Variants in PCDH15 observed in about 807,000 individuals in gnomAD.
PCDH15 encodes the protein protocadherin-15.
In PCDH15, 129 loss-of-function variants were observed where a neutral mutation model predicts 178.5. The observed-to-expected ratio is 0.72, with a 90% CI of 0.63 to 0.84. The LOEUF (loss-of-function observed/expected upper bound fraction) is 0.84. Among genes scored for constraint, PCDH15 ranks in the 40% least tolerant of loss-of-function variants. The pLI is 0.00. For missense variants in PCDH15, 2,230 were observed against 2,099.9 expected (o/e 1.06, Z -1.21); for synonymous variants, 800 against 732.0 (o/e 1.09, Z -1.50).
At chr10:55,460,002 G>T (rs1278957433) in intron 2 of PCDH15, among the ~76,000 whole-genome samples, 1 of 152,038 alleles carries the variant, frequency 6.6e-6, no homozygotes, top group Non-Finnish European at 1.5e-5. Context: ...TAGTCCAGAT[G>T]GAGCATGGAC....
At chr10:55,162,827 T>G (rs187719680) in intron 2 of PCDH15, among the ~76,000 whole-genome samples, 75 of 152,262 alleles carry the variant, frequency 4.9e-4, no homozygotes, top group Admixed American at 1.4e-3. Flanking sequence ...AGACCCAGGT[T>G]TGAGTCTCAG....
At chr10:55,250,406 C>A (rs2132222739) in intron 1 of PCDH15, among the ~76,000 whole-genome samples, 1 of 151,390 alleles carries the variant, frequency 6.6e-6, no homozygotes, top group Admixed American at 6.6e-5. Flanking sequence ...CTCAACCTCC[C>A]AAAGTGCTAC....
At chr10:54,237,737 G>A (rs2054781340) in intron 8 of PCDH15, among the ~76,000 whole-genome samples, 1 of 152,212 alleles carries the variant, frequency 6.6e-6, no homozygotes, top group Admixed American at 6.5e-5. Flanking sequence ...TAAGTTATAT[G>A]AGGTTACTGA....
chr10:55,001,392 C>T (rs891965694), intron 2 of PCDH15, among the ~76,000 whole-genome samples: 2 of 152,146 alleles, frequency 1.3e-5, no homozygotes, highest in East Asian at 3.9e-4. Context: ...ACACTTGCCA[C>T]GTTGTGGGTG....
intron 1 of PCDH15, among the ~76,000 whole-genome samples, chr10:55,286,563 C>T (rs1842875925): frequency 6.6e-6 from 1 of 151,500 alleles, no homozygotes; most frequent in African/African-American, 2.4e-5. Context: ...TGAATGCCAC[C>T]TATGTTGTCC....
intron 12 of PCDH15, among the ~76,000 whole-genome samples, chr10:54,184,920 A>T (rs1467009130): frequency 6.6e-6 from 1 of 151,870 alleles, no homozygotes; most frequent in Non-Finnish European, 1.5e-5. Flanking sequence ...TTCTTCTGTG[A>T]GGAAGAATGT....
Position 53,827,504 on chromosome 10 carries a change from A to G in PCDH15, c.4256T>C (p.Leu1419Ser). ...CTKTARIQAALPAAKPAVPAP... is the reference protein window; with the variant it reads ...CTKTARIQAASPAAKPAVPAP... Reference sequence around the variant, plus strand: ...CGGCACTGCTGGTTTAGCCGCGGGTAATGCGGCCTGAATTCGTGCAGTCTT... The same window carrying G: ...CGGCACTGCTGGTTTAGCCGCGGGTGATGCGGCCTGAATTCGTGCAGTCTT... The change falls in exon 32 of 38, where the codon TTA becomes TCA. Residue 1419 changes from leucine to serine, a missense_variant. By Grantham distance (145) the Leu-to-Ser change is moderately radical (BLOSUM62 -2). Coordinates refer to ENST00000644397, the MANE Select transcript of PCDH15 (RefSeq NM_001384140.1). 1 of 1,614,088 alleles carries G rather than the reference A, an allele frequency of 6.2e-7. No individual in the cohort carries two copies. The highest frequency in any genetic ancestry group is 8.5e-7 in the Non-Finnish European group (1 of 1,179,942).
chr10:54,555,702 A>G (rs2133260376), intron 2 of PCDH15, among the ~76,000 whole-genome samples: 1 of 146,466 alleles, frequency 6.8e-6, no homozygotes, highest in South Asian at 2.2e-4. Context: ...ATGCCACTGC[A>G]CTCCAGCCTG....
chr10:53,990,128 C>G lies in PCDH15; in HGVS notation c.2868+5521G>C, dbSNP rs189032249. 1.8e-3 allele frequency among the ~76,000 whole-genome samples: 277 copies of G among 152,174 alleles called. 2 individuals are homozygous for G. The highest frequency in any genetic ancestry group is 6.4e-3 in the African/African-American group (265 of 41,484). On this transcript the variant is annotated intron_variant, in intron 21 of 37. Transcript: ENST00000644397. ...GACATTTTAATAAAACACAGATATA[C>G]ATTATAGAAAAGAAGATCTAGCCAT...
At chr10:54,697,328 C>T (rs1377819199) in intron 1 of PCDH15, among the ~76,000 whole-genome samples, 2 of 151,776 alleles carry the variant, frequency 1.3e-5, no homozygotes, top group African/African-American at 4.8e-5. Context: ...ATTTAGTTCA[C>T]ATATCATGAT....
chr10:54,997,813 C>T (rs760516535), intron 2 of PCDH15, among the ~76,000 whole-genome samples: 2 of 152,032 alleles, frequency 1.3e-5, no homozygotes, highest in Non-Finnish European at 2.9e-5. Flanking sequence ...ATGAAAGATT[C>T]CAGTACATGT....
intron 1 of PCDH15, among the ~76,000 whole-genome samples, chr10:55,303,936 A>G (rs1279264851): frequency 1.3e-5 from 2 of 152,124 alleles, no homozygotes; most frequent in Non-Finnish European, 2.9e-5. Flanking sequence ...GCATAGCATT[A>G]ATTTTGCACT....
rs562653905 is a variant in PCDH15, at chr10:54,924,282, C to T, written c.-79-26782G>A. On this transcript the variant is annotated intron_variant, in intron 2 of 5. Transcript: ENST00000458638. ...CTCCTCCTAGGCTCTCCTTCCACAA[C>T]GCTGAGGACTACAATTCAACATGAG... Among the ~76,000 whole-genome samples, 56 of 137,910 alleles carry T rather than the reference C, an allele frequency of 4.1e-4. 5 individuals are homozygous for T. Among genetic ancestry groups the T allele is most frequent in the African/African-American group, 1.0e-3 (41 of 40,038 alleles). The allele number at this position is 137,910 out of a possible 152,430, so 90.5% of individuals were successfully genotyped here.
At chr10:54,176,945 T>A (rs922601300) in intron 13 of PCDH15, among the ~76,000 whole-genome samples, 3 of 132,156 alleles carry the variant, frequency 2.3e-5, no homozygotes, top group African/African-American at 9.8e-5. Context: ...ATTTGAAAAT[T>A]TATGTCCATG....
At chr10:54,081,642 A>G (rs2094438578) in intron 16 of PCDH15, among the ~76,000 whole-genome samples, 1 of 152,136 alleles carries the variant, frequency 6.6e-6, no homozygotes, top group South Asian at 2.1e-4. Flanking sequence ...AATCCGAGAA[A>G]TAGCTCACAA....
rs140195751 is a variant in PCDH15, at chr10:53,933,191, T to A, written c.3373+5624A>T. 3.6e-3 allele frequency among the ~76,000 whole-genome samples: 549 copies of A among 152,192 alleles called. 3 individuals are homozygous for A. The highest frequency in any genetic ancestry group is 0.01 in the Middle Eastern group (3 of 292). ...TTTTTTTTAAATTTTATTATTATTA[T>A]ACTTTAAGTTTTAGGGTATATGTGC... is the stretch of plus-strand genomic sequence containing the variant. On this transcript the variant is annotated intron_variant, in intron 25 of 37. Coordinates refer to ENST00000644397, the MANE Select transcript of PCDH15 (RefSeq NM_001384140.1).
chr10:54,279,548 T>G (rs1302506679), intron 8 of PCDH15, among the ~76,000 whole-genome samples: 2 of 151,664 alleles, frequency 1.3e-5, no homozygotes, highest in Non-Finnish European at 1.5e-5. Context: ...TTACTTTGTT[T>G]CAACTCTACT....
chr10:53,903,419 G>T, intron 25 of PCDH15, 49 bp from the exon 26 acceptor site: 1 of 1,600,996 alleles, frequency 6.2e-7, no homozygotes, highest in East Asian at 2.2e-5. Flanking sequence ...ATTCATGGGG[G>T]AAAAAATGCA....
At chr10:53,928,356 TAA>T (rs919140780) in intron 25 of PCDH15, among the ~76,000 whole-genome samples, 6 of 151,946 alleles carry the variant, frequency 3.9e-5, no homozygotes, top group African/African-American at 1.4e-4. Flanking sequence ...GCATTATCCA[TAA>T]GTGATAAAAA....
Sources: gnomAD v4.1 joint callset for allele counts (sites outside exome capture counted in the v4.1 genomes callset) on GRCh38, gnomAD v4.1.1 for gene constraint, MANE v1.5 for transcripts, NCBI Gene and HGNC (gene_info 2026-07-23, HGNC 2026-07-21) for gene names.